SMARCE1: variants seen among roughly 807,000 people sequenced by gnomAD.
SMARCE1 encodes SWI/SNF-related matrix-associated actin-dependent regulator of chromatin subfamily E member 1.
SMARCE1 carries 13 observed loss-of-function variants against 54.9 expected under a neutral mutation model. That is an observed-to-expected ratio of 0.24 (90% CI 0.15 to 0.38). SMARCE1 has a LOEUF of 0.38. Ranked by LOEUF, SMARCE1 falls within the 10% of genes least tolerant of loss-of-function variation. The probability of loss-of-function intolerance (pLI) is 1.00; values close to 1 mark genes in which losing one functional copy is unlikely to be tolerated. For synonymous variants in SMARCE1, 151 were observed against 175.3 expected (o/e 0.86, Z 1.10); for missense variants, 295 against 523.8 (o/e 0.56, Z 4.26).
At position 40,632,312 on chromosome 17, in the gene SMARCE1, G is replaced by A. The variant is rs878854604; in HGVS notation, c.597C>T (p.Asn199=). ...KHTATARFQR[N]HRLISEILSE... Reference sequence around the variant, plus strand: ...TAAGAATTTCACTGATGAGGCGGTGGTTTCTCTGGAAACGGGCGGTGGCTG... The same window carrying A: ...TAAGAATTTCACTGATGAGGCGGTGATTTCTCTGGAAACGGGCGGTGGCTG... The change falls in exon 8 of 11, where the codon AAC becomes AAT. Residue 199 remains asparagine (N), a synonymous_variant. Coordinates refer to ENST00000348513, the MANE Select transcript of SMARCE1 (RefSeq NM_003079.5). 1.2e-6 allele frequency: 2 copies of A among 1,614,036 alleles called. No individual in the cohort carries two copies. The highest frequency in any genetic ancestry group is 4.5e-5 in the East Asian group (2 of 44,888).
chr17:40,644,839 T>G (rs1420661902), intron 3 of SMARCE1: 1 of 152,082 alleles, frequency 6.6e-6, no homozygotes, highest in African/African-American at 2.4e-5. Context: ...CTAACAGTGT[T>G]TTTTTAAAAA....
chr17:40,645,686 C>T, intron 2 of SMARCE1, 67 bp from the exon 3 acceptor site: 1 of 1,206,986 alleles, frequency 8.3e-7, no homozygotes, highest in Non-Finnish European at 1.1e-6. Flanking sequence ...ACAAAACTAC[C>T]AATGGTCCTG....
rs2143997316 is a variant in SMARCE1, at chr17:40,636,436, C to T, written c.328G>A (p.Glu110Lys). The T allele has an allele frequency of 6.2e-7, 1 of 1,612,508 alleles. No individual in the cohort carries two copies. The highest frequency in any genetic ancestry group is 1.3e-5 in the African/African-American group (1 of 74,992). ...TCGTTTAAATATTCTTGTTTTTCTT[C>T]ATCAGTGAGATCTCGCCACATGCCA... ...IGGMWRDLTD[E>K]EKQEYLNEYE... The change falls in exon 6 of 11, where the codon GAA becomes AAA. Residue 110 changes from glutamate (E) to lysine (K), a missense_variant. Around this residue, in one of 5 missense-constraint regions of SMARCE1, gnomAD observed 15 missense variants for 40.1 expected, o/e 0.37. Transcript: ENST00000348513.
At chr17:40,645,284 A>C (rs2037244188) in intron 3 of SMARCE1, 1 of 409,152 alleles carries the variant, frequency 2.4e-6, no homozygotes, top group East Asian at 3.6e-5. Context: ...GTGAAGATTA[A>C]TAAGAAAGAA....
At chr17:40,636,214 T>C (rs2037144738) in intron 6 of SMARCE1, 112 bp from the exon 7 acceptor site, 1 of 1,201,926 alleles carries the variant, frequency 8.3e-7, no homozygotes, top group African/African-American at 1.5e-5. Context: ...GGTGTTGGGA[T>C]AATTATCTCC....
chr17:40,629,976 T>A (rs16966017), intron 10 of SMARCE1: 7,200 of 381,090 alleles, frequency 0.019, 417 homozygotes, highest in African/African-American at 0.13. Context: ...ATGGTTGTCA[T>A]CTGAGTACCA....
In SMARCE1 at chr17:40,642,215, G is replaced by T; in HGVS notation, c.156+240C>A. On this transcript the variant is annotated intron_variant, in intron 4 of 10. Transcript: ENST00000348513. This position sits in a 1 kb window ranked among gnomAD's most constrained non-coding sequence, Gnocchi z 4.6. ...ACAGTATAAGCATCAAGTGCTCAAGGCTTTAACCCTACCAACCACCAAACA... is the reference window on the plus strand; with the variant it reads ...ACAGTATAAGCATCAAGTGCTCAAGTCTTTAACCCTACCAACCACCAAACA... 1.6e-6 allele frequency: 1 copy of T among 609,946 alleles called. No individual in the cohort carries two copies. Among genetic ancestry groups the T allele is most frequent in the Non-Finnish European group, 2.9e-6 (1 of 346,314 alleles). The allele number at this position is 609,946 out of a possible 1,614,324, so 37.8% of individuals were successfully genotyped here.
chr17:40,645,456 C>G, intron 3 of SMARCE1, 120 bp downstream of exon 3: 1 of 502,098 alleles, frequency 2.0e-6, no homozygotes, highest in Non-Finnish European at 3.4e-6. Context: ...TTTTTTTTTT[C>G]TTTTAAGCTG....
intron 5 of SMARCE1, chr17:40,637,029 CAAAAAA>C (rs398041688): frequency 5.9e-5 from 6 of 101,394 alleles, no homozygotes; most frequent in South Asian, 3.5e-4. Flanking sequence ...GGCTCATCAC[CAAAAAA>C]AAAAAAAAAA....
At chr17:40,639,579 G>T (rs2037177597) in intron 4 of SMARCE1, among the ~76,000 whole-genome samples, 1 of 151,916 alleles carries the variant, frequency 6.6e-6, no homozygotes, top group African/African-American at 2.4e-5. Context: ...TTCTCCCAAA[G>T]AAAGGTACAC....
chr17:40,637,273 A>G (rs540408011), intron 5 of SMARCE1: 14 of 561,296 alleles, frequency 2.5e-5, no homozygotes, highest in African/African-American at 1.7e-4. Context: ...AGAACATTCT[A>G]TCTTAAGGAT....
Position 40,625,859 on chromosome 17 carries a change from T to C in SMARCE1, c.*2926A>G, listed in dbSNP as rs1388296037. ...TATAGAATAGATAATTATCACATCC[T>C]GTAGGAGAGCCATTTGAAAAGACAG... On this transcript the variant is annotated 3_prime_UTR_variant, in exon 11 of 11. Transcript: ENST00000348513. 1.3e-5 allele frequency: 2 copies of C among 152,244 alleles called. No homozygotes were observed. The highest frequency in any genetic ancestry group is 2.9e-5 in the Non-Finnish European group (2 of 68,052). The allele number at this position is 152,244 out of a possible 1,614,324, so 9.4% of individuals were successfully genotyped here.
chr17:40,642,060 C>T lies in SMARCE1; in HGVS notation c.156+395G>A. ...AAAAGCTTTCCAGCCCTGAAAAAGC[C>T]AGGTCTGAAAGACCAGCCTCTACTA... On this transcript the variant is annotated intron_variant, in intron 4 of 10. Coordinates refer to ENST00000348513, the MANE Select transcript of SMARCE1 (RefSeq NM_003079.5). The surrounding 1 kb of genome is among the most constrained non-coding windows in gnomAD (Gnocchi z 4.6). 3.8e-6 allele frequency: 1 copy of T among 264,622 alleles called. No homozygotes were observed. Among genetic ancestry groups the T allele is most frequent in the Non-Finnish European group, 7.0e-6 (1 of 143,068 alleles). The allele number at this position is 264,622 out of a possible 1,614,324, so 16.4% of individuals were successfully genotyped here. A position where few individuals can be genotyped will look rare whatever the true frequency, so the allele number is the denominator to read the frequency against.
intron 1 of SMARCE1, among the ~76,000 whole-genome samples, chr17:40,646,627 A>T (rs1002470290): frequency 3.9e-5 from 6 of 152,078 alleles, no homozygotes; most frequent in Non-Finnish European, 8.8e-5. Context: ...TTCTTAGGAA[A>T]TTTTTTCCTA....
chr17:40,645,504 A>G (rs2037247263), intron 3 of SMARCE1, 72 bp downstream of exon 3: 2 of 855,224 alleles, frequency 2.3e-6, no homozygotes, highest in African/African-American at 3.6e-5. Flanking sequence ...AGTGACTGTC[A>G]CTGGAAGACA....
rs186647700 is a variant in SMARCE1, at chr17:40,625,507, G to A, written c.*3278C>T. On this transcript the variant is annotated 3_prime_UTR_variant, in exon 11 of 11. Coordinates refer to ENST00000348513, the MANE Select transcript of SMARCE1 (RefSeq NM_003079.5). Reference sequence around the variant, plus strand: ...CCAGGTGGGGAGACCATGTGTGGTAGTGCTTGGGGGTGGAGGGAAACTATT... The same window carrying A: ...CCAGGTGGGGAGACCATGTGTGGTAATGCTTGGGGGTGGAGGGAAACTATT... 2.0e-5 allele frequency: 3 copies of A among 152,244 alleles called. No individual in the cohort carries two copies. The highest frequency in any genetic ancestry group is 7.2e-5 in the African/African-American group (3 of 41,458). 9.4% of individuals were successfully genotyped at this position (152,244 alleles called of 1,614,324 possible). A position where few individuals can be genotyped will look rare whatever the true frequency, so the allele number is the denominator to read the frequency against.
chr17:40,638,405 AAAG>A (rs1184456359), intron 4 of SMARCE1, among the ~76,000 whole-genome samples: 3 of 152,292 alleles, frequency 2.0e-5, no homozygotes, highest in African/African-American at 7.2e-5. Context: ...AGACAGAAGA[AAAG>A]GAGGCGGAGG....
chr17:40,629,774 T>A (rs572487748), intron 10 of SMARCE1: 1 of 390,824 alleles, frequency 2.6e-6, no homozygotes. Flanking sequence ...TATTTTAATT[T>A]TCAAGCTCGT....
At chr17:40,637,413 A>C (rs1452871901) in intron 5 of SMARCE1, 79 bp downstream of exon 5, 3 of 1,155,186 alleles carry the variant, frequency 2.6e-6, no homozygotes, top group South Asian at 2.4e-5. Flanking sequence ...AAGCTGGCTA[A>C]GCCGATCTAA....
Sources: allele counts gnomAD v4.1 joint callset (sites outside exome capture counted in the v4.1 genomes callset), GRCh38; gene constraint gnomAD v4.1.1; regional missense constraint gnomAD v4.1.1; non-coding constraint Gnocchi (gnomAD v3.1); transcripts MANE v1.5; gene names NCBI Gene and HGNC (gene_info 2026-07-23, HGNC 2026-07-21).